The following RBFOX1 variants were observed in gnomAD, a reference collection of about 807,000 sequenced individuals.
The protein encoded by RBFOX1 is RNA binding protein fox-1 homolog 1.
In RBFOX1, 8 loss-of-function variants were observed where a neutral mutation model predicts 57.7. The observed-to-expected ratio is 0.14, with a 90% confidence interval of 0.08 to 0.25. The LOEUF (loss-of-function observed/expected upper bound fraction) is 0.25, where lower values mean the gene tolerates loss of function less well. Among genes scored for constraint, RBFOX1 ranks in the 10% least tolerant of loss-of-function variants. RBFOX1 has a pLI of 1.00. For missense variants in RBFOX1, 611 were observed against 548.5 expected, an observed-to-expected ratio of 1.11 and a Z score of -1.14; for synonymous variants, 326 against 222.4, an observed-to-expected ratio of 1.47 and a Z score of -4.15.
chr16:6,525,141 T>C (rs1000718924), intron 2 of RBFOX1, among the ~76,000 whole-genome samples: 3 of 152,182 alleles, frequency 2.0e-5, no homozygotes, highest in Admixed American at 2.0e-4. Context: ...CCTGTATTTA[T>C]TGGGAATTGC....
intron 1 of RBFOX1, among the ~76,000 whole-genome samples, chr16:6,254,295 G>A (rs1281512955): frequency 6.6e-6 from 1 of 152,064 alleles, no homozygotes; most frequent in East Asian, 1.9e-4. Flanking sequence ...CTCTAAATAA[G>A]CAATTGTTTA....
intron 3 of RBFOX1, among the ~76,000 whole-genome samples, chr16:5,822,509 A>G (rs567105802): frequency 6.6e-6 from 1 of 151,636 alleles, no homozygotes; most frequent in African/African-American, 2.4e-5. Flanking sequence ...ATAGTAATAA[A>G]TAAGTTCTGG....
intron 2 of RBFOX1, among the ~76,000 whole-genome samples, chr16:6,582,900 A>G (rs1485597025): frequency 2.0e-5 from 3 of 150,266 alleles, no homozygotes; most frequent in Non-Finnish European, 4.4e-5. Context: ...CTACAGTTCA[A>G]TTATTACTAT....
intron 4 of RBFOX1, among the ~76,000 whole-genome samples, chr16:5,890,584 C>G (rs996407240): frequency 6.6e-6 from 1 of 151,616 alleles, no homozygotes; most frequent in African/African-American, 2.4e-5. Context: ...GTAATCTCAG[C>G]TACTCCAGAG....
chr16:6,347,307 G>A (rs1412322791), intron 2 of RBFOX1, among the ~76,000 whole-genome samples: 1 of 152,144 alleles, frequency 6.6e-6, no homozygotes, highest in Admixed American at 6.5e-5. Context: ...CATCATCATT[G>A]TCTCTCCTCT....
At chr16:5,726,999 C>A (rs1000407472) in intron 3 of RBFOX1, among the ~76,000 whole-genome samples, 1 of 152,184 alleles carries the variant, frequency 6.6e-6, no homozygotes, top group Non-Finnish European at 1.5e-5. Flanking sequence ...TGGCTCATGC[C>A]TGTAATCCCA....
intron 3 of RBFOX1, among the ~76,000 whole-genome samples, chr16:6,683,276 C>G (rs923971294): frequency 3.3e-5 from 5 of 152,046 alleles, no homozygotes; most frequent in African/African-American, 4.8e-5. Context: ...CAAATTTTTT[C>G]AAGCCTGTTA....
intron 2 of RBFOX1, among the ~76,000 whole-genome samples, chr16:6,599,658 G>A (rs1363092039): frequency 6.6e-6 from 1 of 152,126 alleles, no homozygotes; most frequent in Admixed American, 6.5e-5. Flanking sequence ...CTATTCAGCA[G>A]CCATATGGCA....
At chr16:6,675,708 G>A (rs562413747) in intron 3 of RBFOX1, among the ~76,000 whole-genome samples, 9 of 152,304 alleles carry the variant, frequency 5.9e-5, no homozygotes, top group African/African-American at 2.2e-4. Flanking sequence ...AAGAGAGAAT[G>A]AGAAAACAAG....
At chr16:6,224,255 A>G (rs1372204707) in intron 1 of RBFOX1, among the ~76,000 whole-genome samples, 1 of 151,740 alleles carries the variant, frequency 6.6e-6, no homozygotes, top group Non-Finnish European at 1.5e-5. Context: ...AGTCATTGGT[A>G]GCTTGATGGG....
intron 3 of RBFOX1, among the ~76,000 whole-genome samples, chr16:5,721,287 C>T (rs2051923012): frequency 6.6e-6 from 1 of 152,136 alleles, no homozygotes; most frequent in Admixed American, 6.5e-5. Context: ...CTGATTTTTG[C>T]AAATTAATCT....
intron 4 of RBFOX1, among the ~76,000 whole-genome samples, chr16:7,273,716 G>C (rs1652943181): frequency 6.6e-6 from 1 of 152,174 alleles, no homozygotes; most frequent in Non-Finnish European, 1.5e-5. Context: ...AGGACGTTTA[G>C]TAATTTTATC....
chr16:5,732,463 C>G (rs558846357), intron 3 of RBFOX1, among the ~76,000 whole-genome samples: 2 of 152,116 alleles, frequency 1.3e-5, no homozygotes, highest in African/African-American at 4.8e-5. Flanking sequence ...AGAACAGGAG[C>G]GAGTTGGCTC....
intron 1 of RBFOX1, among the ~76,000 whole-genome samples, chr16:6,066,594 T>TA (rs1856732856): frequency 1.3e-5 from 2 of 152,102 alleles, no homozygotes; most frequent in East Asian, 1.9e-4. Flanking sequence ...ACATAGAACT[T>TA]ACGATTTTTG....
intron 12 of RBFOX1, among the ~76,000 whole-genome samples, chr16:7,659,986 T>TA (rs1431621428): frequency 3.3e-5 from 5 of 152,156 alleles, no homozygotes; most frequent in Admixed American, 1.3e-4. Context: ...CAATATCCAT[T>TA]AAAAAATAGC....
At chr16:7,351,883 C>G (rs943803757) in intron 4 of RBFOX1, among the ~76,000 whole-genome samples, 7 of 152,156 alleles carry the variant, frequency 4.6e-5, no homozygotes, top group African/African-American at 1.4e-4. Context: ...AGCTGTCTTT[C>G]TGATCTGCTG....
intron 3 of RBFOX1, among the ~76,000 whole-genome samples, chr16:7,045,976 A>G (rs986973701): frequency 6.6e-6 from 1 of 152,136 alleles, no homozygotes; most frequent in Non-Finnish European, 1.5e-5. Context: ...CTTTTTATTA[A>G]TTAACGAAAA....
At chr16:7,055,079 G>A (rs556055665) in intron 4 of RBFOX1, among the ~76,000 whole-genome samples, 2 of 152,234 alleles carry the variant, frequency 1.3e-5, no homozygotes, top group South Asian at 2.1e-4. Flanking sequence ...AAGATATTAA[G>A]GAGTCTTTAA....
intron 3 of RBFOX1, among the ~76,000 whole-genome samples, chr16:5,616,817 A>C (rs1452239035): frequency 4.9e-4 from 49 of 100,116 alleles, no homozygotes; most frequent in African/African-American, 7.3e-4. Flanking sequence ...CCCCTCCTCC[A>C]TCCTCTTCTT....
Sources: gnomAD v4.1 joint callset for allele counts (sites outside exome capture counted in the v4.1 genomes callset) on GRCh38, gnomAD v4.1.1 for gene constraint, MANE v1.5 for transcripts, NCBI Gene and HGNC (gene_info 2026-07-23, HGNC 2026-07-21) for gene names.